SRSF4: variants seen among roughly 807,000 people sequenced by gnomAD.
SRSF4 encodes serine/arginine-rich splicing factor 4.
A neutral mutation model predicts 48.8 loss-of-function variants in SRSF4; 12 were observed. The ratio of observed to expected loss-of-function variants is 0.25; its 90% CI spans 0.16 to 0.40. The LOEUF is 0.40. SRSF4 is among the 10% of genes least tolerant of loss of function. The probability of loss-of-function intolerance (pLI) is 1.00; values close to 1 mark genes in which losing one functional copy is unlikely to be tolerated. For missense variants in SRSF4, 466 were observed against 667.1 expected (o/e 0.70, Z 3.32); for synonymous variants, 248 against 232.5 (o/e 1.07, Z -0.61).
Position 29,158,324 on chromosome 1 carries a change from A to G in SRSF4, c.363+1050T>C, listed in dbSNP as rs966874454. 2.0e-5 allele frequency among the ~76,000 whole-genome samples: 3 copies of G among 152,278 alleles called. 1 individual carries two copies. The highest frequency in any genetic ancestry group is 6.8e-3 in the Middle Eastern group (2 of 294). On this transcript the variant is annotated intron_variant, in intron 3 of 5. Coordinates refer to ENST00000373795, the MANE Select transcript of SRSF4 (RefSeq NM_005626.5). ...GTCAATTTCACCAGTAAGGATACAC[A>G]CTGAAGCTGATGTGAATTTGCATGT...
rs369585755 is a variant in SRSF4, at chr1:29,161,264, A to G, written c.108-747T>C. 1.2e-4 allele frequency among the ~76,000 whole-genome samples: 18 copies of G among 152,366 alleles called. No homozygotes were observed. The East Asian group carries it at 2.3e-3, about 20-fold the overall frequency. Reference sequence around the variant, plus strand: ...TAAAGAGTACAATTTATATAGCTAAAGTGCAAAATTTGTAAGATACTTATA... The same window carrying G: ...TAAAGAGTACAATTTATATAGCTAAGGTGCAAAATTTGTAAGATACTTATA... On this transcript the variant is annotated intron_variant, in intron 1 of 5. Transcript: ENST00000373795.
chr1:29,175,218 G>A (rs1672821193), intron 1 of SRSF4, among the ~76,000 whole-genome samples: 1 of 151,344 alleles, frequency 6.6e-6, no homozygotes, highest in African/African-American at 2.4e-5. Context: ...TTCAAAACCA[G>A]GCTGGCCAAC....
chr1:29,149,702 AAAAG>A lies in SRSF4; in HGVS notation c.668+397_668+400del, dbSNP rs1416449364. 9.9e-4 allele frequency among the ~76,000 whole-genome samples: 136 copies of A among 137,880 alleles called. 4 individuals are homozygous for A. Among genetic ancestry groups the A allele is most frequent in the Non-Finnish European group, 9.7e-4 (59 of 60,516 alleles). The allele number at this position is 137,880 out of a possible 152,430, so 90.5% of individuals were successfully genotyped here. A position where few individuals can be genotyped will look rare whatever the true frequency, so the allele number is the denominator to read the frequency against. On this transcript the variant is annotated intron_variant, in intron 5 of 5. Transcript: ENST00000373795. ...TCTTGAGGGGGGAAAAAAAAAAAAA[AAAAG>A]AAAAAGAAGCTGGAAAAGCAGGAAG...
intron 5 of SRSF4, 54 bp downstream of exon 5, chr1:29,150,045 GAGAC>G: frequency 7.3e-7 from 1 of 1,375,340 alleles, no homozygotes; most frequent in Admixed American, 1.9e-5. Context: ...AAAAAAAAGT[GAGAC>G]AGGGTACAGG....
At position 29,148,323 on chromosome 1, in the gene SRSF4, G is replaced by A; in HGVS notation, c.*87C>T. The A allele has an allele frequency of 6.7e-7, 1 of 1,486,154 alleles. No individual in the cohort carries two copies. Among genetic ancestry groups the A allele is most frequent in the Non-Finnish European group, 9.2e-7 (1 of 1,089,114 alleles). The allele number at this position is 1,486,154 out of a possible 1,614,324, so 92.1% of individuals were successfully genotyped here. On this transcript the variant is annotated 3_prime_UTR_variant, in exon 6 of 6. Coordinates refer to ENST00000373795, the MANE Select transcript of SRSF4 (RefSeq NM_005626.5). ...AGGGGAGTTAAAAATGTACAGCAGT[G>A]ACATGTTCTACTCCAATCACTTGTG...
intron 1 of SRSF4, among the ~76,000 whole-genome samples, chr1:29,165,197 T>C (rs1024758719): frequency 6.6e-6 from 1 of 152,208 alleles, no homozygotes; most frequent in Non-Finnish European, 1.5e-5. Flanking sequence ...GCAGGCACCA[T>C]GAGTCTTACC....
rs1053926931 is a variant in SRSF4, at chr1:29,148,876, C to G, written c.1019G>C (p.Ser340Thr). Residue 340 changes from serine (S) to threonine (T), a missense_variant, in exon 6 of 6, where the codon AGC (serine) becomes ACC (threonine). This residue lies in a region of SRSF4 where 402 missense variants were observed against 437.0 expected (regional missense o/e 0.92). Coordinates refer to ENST00000373795, the MANE Select transcript of SRSF4 (RefSeq NM_005626.5). ...SRSRSRSKGG[S>T]RSRSRSRSKS... Reference sequence around the variant, plus strand: ...GCTGCGGCTCCTGCTCCGGCTCCTGCTGCCCCCTTTGCTCCTGCTCCGGCT... The same window carrying G: ...GCTGCGGCTCCTGCTCCGGCTCCTGGTGCCCCCTTTGCTCCTGCTCCGGCT... 2.5e-6 allele frequency: 4 copies of G among 1,604,948 alleles called. No homozygotes were observed. The highest frequency in any genetic ancestry group is 2.7e-5 in the African/African-American group (2 of 74,624).
In SRSF4 at chr1:29,148,805, T is replaced by C; in HGVS notation, c.1090A>G (p.Ser364Gly). 1 of 1,610,290 alleles carries C rather than the reference T, an allele frequency of 6.2e-7. No homozygotes were observed. Among genetic ancestry groups the C allele is most frequent in the East Asian group, 2.2e-5 (1 of 44,840 alleles). Residue 364 changes from serine to glycine, a missense_variant, in exon 6 of 6, where the codon AGC (serine) becomes GGC (glycine). Ser to Gly is a moderately conservative substitution (Grantham distance 56, BLOSUM62 0). Transcript: ENST00000373795. ...CTGCGGCTGCGACTGCGACTGCGGC[T>C]CTCCTCTCTGCTTCTCTTCCTGCCC... ...RKGRKRSREESRSRSRSRSKS... is the reference protein window; with the variant it reads ...RKGRKRSREEGRSRSRSRSKS...
At chr1:29,149,316 A>AC (rs1672365888) in intron 5 of SRSF4, 90 bp from the exon 6 acceptor site, 9 of 1,411,698 alleles carry the variant, frequency 6.4e-6, no homozygotes, top group Admixed American at 2.3e-5. Context: ...GTGGAGTTAC[A>AC]CCCCCCAATA....
intron 2 of SRSF4, 34 bp downstream of exon 2, chr1:29,160,341 G>A (rs375676941): frequency 8.2e-6 from 13 of 1,578,806 alleles, no homozygotes; most frequent in African/African-American, 2.7e-5. Flanking sequence ...ACAAAAGCAC[G>A]TTACTGATAA....
rs905596412 is a variant in SRSF4, at chr1:29,181,856, G to T, written c.-104C>A. ...GCGGCGGCGGCGGCAACGGGCGGGC[G>T]GCGGGACGGACGCAGCCGAACCCCG... On this transcript the variant is annotated 5_prime_UTR_variant, in exon 1 of 6. Transcript: ENST00000373795. 2.1e-6 allele frequency: 2 copies of T among 974,412 alleles called. No homozygotes were observed. Among genetic ancestry groups the T allele is most frequent in the South Asian group, 2.4e-5 (1 of 41,070 alleles). The allele number at this position is 974,412 out of a possible 1,614,324, so 60.4% of individuals were successfully genotyped here. A position where few individuals can be genotyped will look rare whatever the true frequency, so the allele number is the denominator to read the frequency against.
chr1:29,176,087 C>G (rs1254598001), intron 1 of SRSF4, among the ~76,000 whole-genome samples: 1 of 151,976 alleles, frequency 6.6e-6, no homozygotes, highest in Non-Finnish European at 1.5e-5. Context: ...CCTGTCTCTA[C>G]TAAAAATACA....
At chr1:29,161,259 G>C (rs1359140213) in intron 1 of SRSF4, among the ~76,000 whole-genome samples, 1 of 152,132 alleles carries the variant, frequency 6.6e-6, no homozygotes, top group Non-Finnish European at 1.5e-5. Context: ...AATTTATATA[G>C]CTAAAGTGCA....
chr1:29,181,141 C>T (rs751879097), intron 1 of SRSF4, among the ~76,000 whole-genome samples: 22 of 152,242 alleles, frequency 1.4e-4, no homozygotes, highest in African/African-American at 5.1e-4. Flanking sequence ...AAGCGTGGCA[C>T]ACGGCTAAAA....
In SRSF4 at chr1:29,159,158, A is replaced by G. The variant is rs1672555580; in HGVS notation, c.363+216T>C. The stretch of plus-strand genomic sequence containing the variant: ...CCAAACCAAACCAAACCAAACTCAC[A>G]AATGTGTCCTTAGAATGATGGTCCC... On this transcript the variant is annotated intron_variant, in intron 3 of 5. Transcript: ENST00000373795. Among the ~76,000 whole-genome samples, 3 of 136,908 alleles carry G rather than the reference A, an allele frequency of 2.2e-5. No individual in the cohort carries two copies. The South Asian group carries it at 7.0e-4, about 32-fold the overall frequency. The allele number at this position is 136,908 out of a possible 152,430, so 89.8% of individuals were successfully genotyped here.
chr1:29,166,669 C>T (rs1410344611), intron 1 of SRSF4: 1 of 152,224 alleles, frequency 6.6e-6, no homozygotes, highest in Admixed American at 6.5e-5. Flanking sequence ...ATTGTGGCCT[C>T]TCTTTAGTCT....
intron 2 of SRSF4, 126 bp downstream of exon 2, chr1:29,160,249 A>T: frequency 8.8e-7 from 1 of 1,140,358 alleles, no homozygotes. Context: ...TTTTTAAAAA[A>T]GATACATAAT....
rs200987351 is a variant in SRSF4, at chr1:29,148,447, G to C, written c.1448C>G (p.Pro483Arg). 32 of 1,610,308 alleles carry C rather than the reference G, an allele frequency of 2.0e-5. No individual in the cohort carries two copies. The highest frequency in any genetic ancestry group is 2.4e-5 in the Non-Finnish European group (28 of 1,177,826). ...KSRSRSASRS[P>R]SRSRSRSHSR... ...GTGGGACCTAGATCTAGATCGGGAG[G>C]GCGATCTGGAAGCAGACCTGGATCT... Residue 483 changes from proline (P) to arginine (R), a missense_variant, in exon 6 of 6, where the codon CCC (proline) becomes CGC (arginine). By Grantham distance (103) the Pro-to-Arg change is moderately radical (BLOSUM62 -2). This residue lies in a region of SRSF4 where 402 missense variants were observed against 437.0 expected (regional missense o/e 0.92). Coordinates refer to ENST00000373795, the MANE Select transcript of SRSF4 (RefSeq NM_005626.5).
In SRSF4 at chr1:29,150,301, G is replaced by C. The variant is rs975631596; in HGVS notation, c.579-109C>G. ...ATATTTTAGATGGAGTTTCACTCTT[G>C]TTGCCCAGGCTGGAGTGCAATGGCG... is the stretch of plus-strand genomic sequence containing the variant. On this transcript the variant is annotated intron_variant, in intron 4 of 5. Coordinates refer to ENST00000373795, the MANE Select transcript of SRSF4 (RefSeq NM_005626.5). The C allele has an allele frequency of 2.8e-5, 15 of 537,800 alleles. 1 individual carries two copies. The highest frequency in any genetic ancestry group is 4.0e-5 in the Non-Finnish European group (15 of 372,486). The allele number at this position is 537,800 out of a possible 1,614,324, so 33.3% of individuals were successfully genotyped here.
Sources: gnomAD v4.1 joint callset for allele counts (sites outside exome capture counted in the v4.1 genomes callset) on GRCh38, gnomAD v4.1.1 for gene constraint, gnomAD v4.1.1 regional missense constraint, MANE v1.5 for transcripts, NCBI Gene and HGNC (gene_info 2026-07-23, HGNC 2026-07-21) for gene names.